IFNGR1: variants seen among roughly 807,000 people sequenced by gnomAD.
The protein encoded by IFNGR1 is AVP, type 2.
In IFNGR1, 23 loss-of-function variants were observed where a neutral mutation model predicts 35.4. The observed-to-expected ratio is 0.65, with a 90% CI of 0.47 to 0.92. IFNGR1 has a LOEUF of 0.92. Ranked by LOEUF, IFNGR1 falls within the 40% of genes least tolerant of loss-of-function variation. IFNGR1 has a pLI of 0.00. For missense variants in IFNGR1, 533 were observed against 583.4 expected (o/e 0.91, Z 0.89); for synonymous variants, 199 against 209.5 (o/e 0.95, Z 0.43).
At chr6:137,215,600 A>G (rs1464617463) in intron 1 of IFNGR1, among the ~76,000 whole-genome samples, 3 of 152,266 alleles carry the variant, frequency 2.0e-5, no homozygotes, top group South Asian at 2.1e-4. Context: ...ACCATTAATT[A>G]CTCATCTGGT....
intron 6 of IFNGR1, among the ~76,000 whole-genome samples, chr6:137,199,500 A>T (rs11963346): frequency 1.4e-4 from 2 of 14,502 alleles, no homozygotes; most frequent in East Asian, 1.8e-3. Context: ...TATTATATAA[A>T]ATATATAATT....
chr6:137,203,491 G>A lies in IFNGR1; in HGVS notation c.733+8C>T, dbSNP rs543715456. The A allele has an allele frequency of 2.0e-6, 3 of 1,497,816 alleles. No individual in the cohort carries two copies. Among genetic ancestry groups the A allele is most frequent in the Non-Finnish European group, 1.9e-6 (2 of 1,074,354 alleles). 92.8% of individuals were successfully genotyped at this position (1,497,816 alleles called of 1,614,324 possible). On this transcript the variant is annotated splice_region_variant and intron_variant, in intron 5 of 6. Coordinates refer to ENST00000367739, the MANE Select transcript of IFNGR1 (RefSeq NM_000416.3). ...TCTATATTTAGAAAAAAAATGGCAA[G>A]AACTTACCTTTTATACTGCTATTGA... is the stretch of plus-strand genomic sequence containing the variant.
At chr6:137,199,567 A>ATAATATATTATATATT (rs1185525239) in intron 6 of IFNGR1, among the ~76,000 whole-genome samples, 1 of 66,172 alleles carries the variant, frequency 1.5e-5, no homozygotes, top group Admixed American at 2.5e-4. Flanking sequence ...AAATATATAT[A>ATAATATATTATATATT]ATATATAATA....
chr6:137,201,094 G>A, intron 5 of IFNGR1, 86 bp from the exon 6 acceptor site: 1 of 1,404,764 alleles, frequency 7.1e-7, no homozygotes. Flanking sequence ...TTCTTGAATA[G>A]ATTTACAAAT....
At chr6:137,218,487 T>G in intron 1 of IFNGR1, 1 of 1,289,116 alleles carries the variant, frequency 7.8e-7, no homozygotes, top group African/African-American at 1.5e-5. Context: ...AATCCACCAC[T>G]TCCAGACTGA....
chr6:137,197,603 T>C lies in IFNGR1; in HGVS notation c.*428A>G, dbSNP rs1779116482. 1.9e-5 allele frequency: 3 copies of C among 155,194 alleles called. No individual in the cohort carries two copies. In the South Asian group the frequency reaches 5.8e-4, roughly 30 times the overall value. The allele number at this position is 155,194 out of a possible 1,614,324, so 9.6% of individuals were successfully genotyped here. ...TTTGAATTAGATTTTAAGTCCAATT[T>C]TGAAAAGCTTGCAGAATTTCTTCTG... On this transcript the variant is annotated 3_prime_UTR_variant, in exon 7 of 7. Transcript: ENST00000367739.
rs1562285244 is a variant in IFNGR1 at position 137,203,552 on chromosome 6, G to T, written c.680C>A (p.Thr227Lys). ...ACAAACTTCTTTTGACTTTTCAGTT[G>T]TAACACCCCACACATGTAAGACTCC... ...AEGVLHVWGV[T>K]TEKSKEVCIT... Residue 227 changes from threonine to lysine, a missense_variant, in exon 5 of 7, where the codon ACA becomes AAA. By Grantham distance (78) the Thr-to-Lys change is moderately conservative. Transcript: ENST00000367739. 1 of 1,613,248 alleles carries T rather than the reference G, an allele frequency of 6.2e-7. No individual in the cohort carries two copies. The highest frequency in any genetic ancestry group is 8.5e-7 in the Non-Finnish European group (1 of 1,179,310).
chr6:137,207,143 A>G, intron 1 of IFNGR1, 66 bp from the exon 2 acceptor site: 1 of 1,589,536 alleles, frequency 6.3e-7, no homozygotes, highest in Non-Finnish European at 8.6e-7. Flanking sequence ...GGAAAGCCTT[A>G]TTGTAAGATG....
chr6:137,199,268 T>G (rs1779178877), intron 6 of IFNGR1, among the ~76,000 whole-genome samples: 1 of 126,886 alleles, frequency 7.9e-6, no homozygotes, highest in Admixed American at 9.7e-5. Context: ...CTAAATAAAC[T>G]CCCCTTTATA....
chr6:137,219,101 C>T lies in IFNGR1; in HGVS notation c.85+142G>A, dbSNP rs550118970. 4.6e-6 allele frequency: 5 copies of T among 1,078,616 alleles called. No individual in the cohort carries two copies. The Admixed American group carries it at 6.8e-5, about 15-fold the overall frequency. The allele number at this position is 1,078,616 out of a possible 1,614,324, so 66.8% of individuals were successfully genotyped here. A position where few individuals can be genotyped will look rare whatever the true frequency, so the allele number is the denominator to read the frequency against. On this transcript the variant is annotated intron_variant, in intron 1 of 6. Coordinates refer to ENST00000367739, the MANE Select transcript of IFNGR1 (RefSeq NM_000416.3). The stretch of plus-strand genomic sequence containing the variant: ...CCAGTCTCGCGACCCCACCTCGCGT[C>T]CCCGTCGCCCGCTCAGGGCCCGACG...
In IFNGR1 at chr6:137,204,318, T is replaced by C; in HGVS notation, c.546+14A>G. ...ACACAAGAATTTCCATTATGAAAAATGTGAAACACATACCTCACTTCCGTT... is the reference window on the plus strand; with the variant it reads ...ACACAAGAATTTCCATTATGAAAAACGTGAAACACATACCTCACTTCCGTT... On this transcript the variant is annotated intron_variant, in intron 4 of 6. Transcript: ENST00000367739. 6.2e-7 allele frequency: 1 copy of C among 1,610,100 alleles called. No homozygotes were observed. The highest frequency in any genetic ancestry group is 8.5e-7 in the Non-Finnish European group (1 of 1,176,416).
In IFNGR1 at chr6:137,219,270, C is replaced by G. The variant is rs765685150; in HGVS notation, c.58G>C (p.Gly20Arg). 2.5e-6 allele frequency: 4 copies of G among 1,611,706 alleles called. No individual in the cohort carries two copies. The African/African-American group carries it at 4.0e-5, about 16-fold the overall frequency. The change falls in exon 1 of 7, where the codon GGC becomes CGC. Residue 20 changes from glycine (G) to arginine (R), a missense_variant. Gly to Arg is a moderately radical substitution (Grantham distance 125). Coordinates refer to ENST00000367739, the MANE Select transcript of IFNGR1 (RefSeq NM_000416.3). ...GAGGACGGCCCCAGATCCGCGGTGCCCATCTCAGCCCTGCTCACACCCTGC... is the reference window on the plus strand; with the variant it reads ...GAGGACGGCCCCAGATCCGCGGTGCGCATCTCAGCCCTGCTCACACCCTGC... Reference protein sequence around the residue: ...VMQGVSRAEMGTADLGPSSVP... With the variant: ...VMQGVSRAEMRTADLGPSSVP...
In IFNGR1 at chr6:137,203,699, G is replaced by T. The variant is rs777837413; in HGVS notation, c.547-14C>A. 3 of 1,530,400 alleles carry T rather than the reference G, an allele frequency of 2.0e-6. No homozygotes were observed. Among genetic ancestry groups the T allele is most frequent in the South Asian group, 2.6e-5 (2 of 78,082 alleles). 94.8% of individuals were successfully genotyped at this position (1,530,400 alleles called of 1,614,324 possible). ...TTTATACTGGATCTAGATGAAAAAAGAAAACAGTGAAAATGCACAGCTTCT... is the reference window on the plus strand; with the variant it reads ...TTTATACTGGATCTAGATGAAAAAATAAAACAGTGAAAATGCACAGCTTCT... On this transcript the variant is annotated splice_polypyrimidine_tract_variant and intron_variant, in intron 4 of 6. Coordinates refer to ENST00000367739, the MANE Select transcript of IFNGR1 (RefSeq NM_000416.3).
intron 5 of IFNGR1, 111 bp from the exon 6 acceptor site, chr6:137,201,119 A>C: frequency 8.9e-7 from 1 of 1,119,784 alleles, no homozygotes; most frequent in Non-Finnish European, 1.3e-6. Flanking sequence ...GAATAGGGCC[A>C]GAGTTTTAAA....
rs192896310 is a variant in IFNGR1 at position 137,216,943 on chromosome 6, G to A, written c.85+2300C>T. Among the ~76,000 whole-genome samples, 705 of 152,274 alleles carry A rather than the reference G, an allele frequency of 4.6e-3. 10 individuals carry two copies. Among genetic ancestry groups the A allele is most frequent in the Non-Finnish European group, 5.2e-3 (351 of 68,020 alleles). ...AGAAGGCTGCAGTTGATCTTCCCAC[G>A]GGAGGCAGACAGGCAATCCTCCTCC... is the stretch of plus-strand genomic sequence containing the variant. On this transcript the variant is annotated intron_variant, in intron 1 of 6. Transcript: ENST00000367739.
chr6:137,209,994 C>T (rs753108636), intron 1 of IFNGR1: 38 of 397,486 alleles, frequency 9.6e-5, no homozygotes, highest in Non-Finnish European at 1.6e-4. Context: ...ACTTGAGTCA[C>T]GTAAGAGAAC....
chr6:137,210,413 T>C (rs1451658609), intron 1 of IFNGR1, among the ~76,000 whole-genome samples: 1 of 152,198 alleles, frequency 6.6e-6, no homozygotes, highest in African/African-American at 2.4e-5. Context: ...CTTCACTTCT[T>C]TACAGATAAA....
intron 5 of IFNGR1, among the ~76,000 whole-genome samples, chr6:137,201,484 C>T (rs984440341): frequency 6.6e-6 from 1 of 152,076 alleles, no homozygotes; most frequent in African/African-American, 2.4e-5. Flanking sequence ...ACAATCTTGG[C>T]CAACATGGTG....
intron 6 of IFNGR1, 117 bp downstream of exon 6, chr6:137,200,760 CTGAT>C (rs1299509235): frequency 3.5e-5 from 29 of 831,462 alleles, no homozygotes; most frequent in Admixed American, 5.6e-5. Flanking sequence ...GGTAGACTGA[CTGAT>C]TGATGGCAGG....
Sources: allele counts gnomAD v4.1 joint callset (sites outside exome capture counted in the v4.1 genomes callset), GRCh38; gene constraint gnomAD v4.1.1; transcripts MANE v1.5; gene names NCBI Gene and HGNC (gene_info 2026-07-23, HGNC 2026-07-21).